GRIN3A: variants seen among roughly 807,000 people sequenced by gnomAD.
GRIN3A encodes the protein glutamate ionotropic receptor NMDA type subunit 3A, also known as glutamate receptor ionotropic, NMDA 3A.
Under a neutral mutation model 92.4 loss-of-function variants are expected in GRIN3A, and 47 were observed. That is an observed-to-expected ratio of 0.51 (90% confidence interval 0.40 to 0.65). The LOEUF (loss-of-function observed/expected upper bound fraction) is 0.65, where lower values mean the gene tolerates loss of function less well. GRIN3A is among the 30% of genes least tolerant of loss of function. GRIN3A has a pLI of 0.00. For missense variants in GRIN3A, 1,324 were observed against 1,393.1 expected (o/e 0.95, Z 0.79); for synonymous variants, 527 against 540.6 (o/e 0.97, Z 0.35).
At chr9:101,635,739 G>A (rs1444852955) in intron 3 of GRIN3A, among the ~76,000 whole-genome samples, 1 of 152,202 alleles carries the variant, frequency 6.6e-6, no homozygotes, top group Non-Finnish European at 1.5e-5. Flanking sequence ...GAAATAGGAA[G>A]ACTCTGGTCA....
At chr9:101,576,652 G>GA (rs1827831514) in intron 8 of GRIN3A, among the ~76,000 whole-genome samples, 1 of 152,010 alleles carries the variant, frequency 6.6e-6, no homozygotes. Context: ...GTTAAAAATA[G>GA]AAAAAATAGA....
At chr9:101,621,078 A>G (rs1332486861) in intron 5 of GRIN3A, among the ~76,000 whole-genome samples, 7 of 152,078 alleles carry the variant, frequency 4.6e-5, no homozygotes, top group African/African-American at 7.2e-5. Context: ...TGAGGCCAGG[A>G]GTTTGAGACC....
At chr9:101,727,716 T>C (rs1830096272) in intron 1 of GRIN3A, among the ~76,000 whole-genome samples, 1 of 151,838 alleles carries the variant, frequency 6.6e-6, no homozygotes, top group Non-Finnish European at 1.5e-5. Context: ...TGAATTAATC[T>C]ACATTTTCCA....
chr9:101,693,312 C>G (rs947317506), intron 1 of GRIN3A, among the ~76,000 whole-genome samples: 7 of 150,906 alleles, frequency 4.6e-5, no homozygotes, highest in Non-Finnish European at 8.8e-5. Context: ...CCCAGCTACT[C>G]AGGAAACTGA....
At chr9:101,701,881 C>G (rs1829759657) in intron 1 of GRIN3A, among the ~76,000 whole-genome samples, 1 of 152,186 alleles carries the variant, frequency 6.6e-6, no homozygotes, top group South Asian at 2.1e-4. Context: ...TCAGCAGTCT[C>G]TCTCTATCCT....
intron 6 of GRIN3A, chr9:101,595,041 G>A: frequency 8.2e-7 from 1 of 1,217,158 alleles, no homozygotes; most frequent in Non-Finnish European, 1.1e-6. Context: ...GGGCTCCCGG[G>A]GGCCCTGGTC....
At chr9:101,620,848 G>A (rs1326039388) in intron 5 of GRIN3A, among the ~76,000 whole-genome samples, 1 of 151,988 alleles carries the variant, frequency 6.6e-6, no homozygotes, top group Non-Finnish European at 1.5e-5. Flanking sequence ...AAACTTAAAT[G>A]TTGTCAAAGG....
At chr9:101,586,227 T>C (rs1250240710) in intron 6 of GRIN3A, among the ~76,000 whole-genome samples, 5 of 152,206 alleles carry the variant, frequency 3.3e-5, no homozygotes, top group Non-Finnish European at 5.9e-5. Context: ...TCTCTTGACA[T>C]AGTATGTGTT....
At chr9:101,603,875 C>A (rs143570447) in intron 6 of GRIN3A, among the ~76,000 whole-genome samples, 4 of 152,336 alleles carry the variant, frequency 2.6e-5, no homozygotes, top group African/African-American at 7.2e-5. Flanking sequence ...AGGCTTCTTC[C>A]GCTACAGGGG....
chr9:101,676,515 G>C (rs374091468), intron 2 of GRIN3A, among the ~76,000 whole-genome samples: 1 of 151,640 alleles, frequency 6.6e-6, no homozygotes. Flanking sequence ...TATTTCCCCC[G>C]AGGAATGAGG....
chr9:101,673,467 C>T (rs1390212677), intron 2 of GRIN3A, among the ~76,000 whole-genome samples: 1 of 152,024 alleles, frequency 6.6e-6, no homozygotes, highest in East Asian at 1.9e-4. Context: ...AAAATTGGGT[C>T]CCAGAGAATC....
chr9:101,631,472 T>A (rs1317772862), intron 3 of GRIN3A, among the ~76,000 whole-genome samples: 1 of 152,192 alleles, frequency 6.6e-6, no homozygotes, highest in African/African-American at 2.4e-5. Flanking sequence ...GTGATAATAC[T>A]TTTATGGTCT....
chr9:101,658,057 G>A (rs562590524), intron 3 of GRIN3A, among the ~76,000 whole-genome samples: 2 of 152,006 alleles, frequency 1.3e-5, no homozygotes, highest in East Asian at 3.9e-4. Context: ...TCAGGTAGGG[G>A]AGAACATTTT....
At chr9:101,728,188 C>A (rs1431078613) in intron 1 of GRIN3A, among the ~76,000 whole-genome samples, 3 of 152,084 alleles carry the variant, frequency 2.0e-5, no homozygotes, top group African/African-American at 7.2e-5. Flanking sequence ...TTTACGAAAA[C>A]AAAAACTTTT....
chr9:101,583,124 G>C (rs1049034258), intron 6 of GRIN3A, among the ~76,000 whole-genome samples: 56 of 152,172 alleles, frequency 3.7e-4, no homozygotes, highest in African/African-American at 1.3e-3. Flanking sequence ...AGGTTTATAG[G>C]GGTTAATAAC....
Position 101,738,256 on chromosome 9 carries a change from C to T in GRIN3A, c.-277G>A, listed in dbSNP as rs1441811771. 1 of 495,646 alleles carries T rather than the reference C, an allele frequency of 2.0e-6. No individual in the cohort carries two copies. The allele number at this position is 495,646 out of a possible 1,614,324, so 30.7% of individuals were successfully genotyped here. The stretch of plus-strand genomic sequence containing the variant: ...GGCGGGCGGGCCGGCGCCTGTCACC[C>T]GCAGCTGGAGCGCCCGTTCCCTGCC... On this transcript the variant is annotated 5_prime_UTR_variant, in exon 1 of 9. Coordinates refer to ENST00000361820, the MANE Select transcript of GRIN3A (RefSeq NM_133445.3).
intron 6 of GRIN3A, among the ~76,000 whole-genome samples, chr9:101,583,480 A>T (rs75063460): frequency 1.3e-5 from 2 of 152,308 alleles, no homozygotes; most frequent in Non-Finnish European, 2.9e-5. Context: ...TCCCCATATT[A>T]TCAAGTGAAA....
At chr9:101,724,069 C>G (rs939216122) in intron 1 of GRIN3A, among the ~76,000 whole-genome samples, 4 of 152,332 alleles carry the variant, frequency 2.6e-5, no homozygotes, top group African/African-American at 4.8e-5. Flanking sequence ...GATCCTGCAC[C>G]GGGGCTGCAG....
chr9:101,669,939 A>G, intron 3 of GRIN3A, 121 bp downstream of exon 3: 1 of 769,922 alleles, frequency 1.3e-6, no homozygotes, highest in Non-Finnish European at 2.2e-6. Flanking sequence ...ACTAGTCTCT[A>G]TACTTGGCTG....
Sources: allele counts gnomAD v4.1 joint callset (sites outside exome capture counted in the v4.1 genomes callset), GRCh38; gene constraint gnomAD v4.1.1; transcripts MANE v1.5; gene names NCBI Gene and HGNC (gene_info 2026-07-23, HGNC 2026-07-21).